The following BTBD9 variants were observed in gnomAD, a reference collection of about 807,000 sequenced individuals.
BTBD9 encodes BTB/POZ domain-containing protein 9.
Under a neutral mutation model 64.3 loss-of-function variants are expected in BTBD9, and 49 were observed. That is an observed-to-expected ratio of 0.76 (90% CI 0.61 to 0.97). The LOEUF is 0.97. Among genes scored for constraint, BTBD9 ranks in the 50% least tolerant of loss-of-function variants. The probability of loss-of-function intolerance (pLI) is 0.00; values close to 1 mark genes in which losing one functional copy is unlikely to be tolerated. For synonymous variants in BTBD9, 260 were observed against 274.7 expected, an observed-to-expected ratio of 0.95 and a Z score of 0.53; for missense variants, 598 against 762.1, an observed-to-expected ratio of 0.78 and a Z score of 2.53.
intron 1 of BTBD9, chr6:38,613,031 G>A (rs1291660665): frequency 2.0e-5 from 3 of 152,152 alleles, no homozygotes; most frequent in African/African-American, 4.8e-5. Flanking sequence ...AAATTGAGAC[G>A]AGCTGTAAGT....
rs1015950974 is a variant in BTBD9 at position 38,639,011 on chromosome 6, A to G, written c.-28+789T>C. Among the ~76,000 whole-genome samples, 68 of 152,316 alleles carry G rather than the reference A, an allele frequency of 4.5e-4. 1 individual carries two copies. Among genetic ancestry groups the G allele is most frequent in the Non-Finnish European group, 8.4e-4 (57 of 68,026 alleles). On this transcript the variant is annotated intron_variant, in intron 1 of 10. Coordinates refer to ENST00000481247, the MANE Select transcript of BTBD9 (RefSeq NM_001099272.2). ...CAGAATCCGTATTTTCTGCCCAGAAAATAGCAGCCTGTACTGCCTTTAGGA... is the reference window on the plus strand; with the variant it reads ...CAGAATCCGTATTTTCTGCCCAGAAGATAGCAGCCTGTACTGCCTTTAGGA...
At chr6:38,350,320 A>C (rs1764452297) in intron 6 of BTBD9, among the ~76,000 whole-genome samples, 1 of 152,158 alleles carries the variant, frequency 6.6e-6, no homozygotes, top group Admixed American at 6.5e-5. Context: ...TTAATTTCTA[A>C]GGCACATACA....
At chr6:38,295,487 A>G (rs987140938) in intron 7 of BTBD9, among the ~76,000 whole-genome samples, 1 of 152,042 alleles carries the variant, frequency 6.6e-6, no homozygotes, top group Non-Finnish European at 1.5e-5. Flanking sequence ...TCTTGTTTAT[A>G]AGTTCTTTCC....
chr6:38,453,870 T>C (rs1769669648), intron 6 of BTBD9, among the ~76,000 whole-genome samples: 1 of 152,180 alleles, frequency 6.6e-6, no homozygotes, highest in Non-Finnish European at 1.5e-5. Context: ...AAGTTTCAAA[T>C]AGTGGGCGAA....
rs1776943259 is a variant in BTBD9 at position 38,594,252 on chromosome 6, T to C, written c.261A>G (p.Ala87=). Residue 87 remains alanine, a synonymous_variant, in exon 3 of 11, where the codon GCA becomes GCG. Coordinates refer to ENST00000481247, the MANE Select transcript of BTBD9 (RefSeq NM_001099272.2). ...EIPLQDTTAE[A]FTMLLKYIYT... Reference sequence around the variant, plus strand: ...AGATATATTTGAGTAGCATTGTGAATGCTTCTGCAGTGGTGTCTTGGAGAG... The same window carrying C: ...AGATATATTTGAGTAGCATTGTGAACGCTTCTGCAGTGGTGTCTTGGAGAG... 1 of 1,613,942 alleles carries C rather than the reference T, an allele frequency of 6.2e-7. No homozygotes were observed. Among genetic ancestry groups the C allele is most frequent in the South Asian group, 1.1e-5 (1 of 91,080 alleles).
chr6:38,297,841 C>CA (rs1196249066), intron 7 of BTBD9, among the ~76,000 whole-genome samples: 1 of 136,546 alleles, frequency 7.3e-6, no homozygotes, highest in Non-Finnish European at 1.6e-5. Context: ...CTCCAGTTTT[C>CA]TTTTTTTTTT....
At chr6:38,627,581 C>A (rs936232140) in intron 1 of BTBD9, among the ~76,000 whole-genome samples, 2 of 152,140 alleles carry the variant, frequency 1.3e-5, no homozygotes, top group Admixed American at 6.5e-5. Flanking sequence ...ACAAGAACAG[C>A]ACCGGTGTTG....
chr6:38,538,935 C>G (rs569065300), intron 6 of BTBD9, among the ~76,000 whole-genome samples: 1 of 152,188 alleles, frequency 6.6e-6, no homozygotes, highest in African/African-American at 2.4e-5. Flanking sequence ...AGGCACACAC[C>G]ACCACATCCA....
chr6:38,341,558 G>C (rs1006273859), intron 7 of BTBD9, among the ~76,000 whole-genome samples: 1 of 152,140 alleles, frequency 6.6e-6, no homozygotes, highest in African/African-American at 2.4e-5. Context: ...AGGAAGATTT[G>C]GAAATCCTTA....
At chr6:38,304,015 TATTC>T (rs1762526903) in intron 7 of BTBD9, among the ~76,000 whole-genome samples, 1 of 150,526 alleles carries the variant, frequency 6.6e-6, no homozygotes, top group Non-Finnish European at 1.5e-5. Context: ...TCGACATAAT[TATTC>T]ATTAATGTTT....
chr6:38,182,625 G>A (rs996284669), intron 10 of BTBD9, among the ~76,000 whole-genome samples: 3 of 152,162 alleles, frequency 2.0e-5, no homozygotes, highest in African/African-American at 7.2e-5. Context: ...TGTGTGACCA[G>A]GCTCCGCATG....
chr6:38,421,620 A>G (rs980187511), intron 6 of BTBD9, among the ~76,000 whole-genome samples: 1 of 152,220 alleles, frequency 6.6e-6, no homozygotes, highest in African/African-American at 2.4e-5. Context: ...TTAGTGGTTC[A>G]TAGTAATATA....
rs79516200 is a variant in BTBD9 at position 38,195,108 on chromosome 6, C to G, written c.1563-2511G>C. Among the ~76,000 whole-genome samples, 374 of 152,290 alleles carry G rather than the reference C, an allele frequency of 2.5e-3. 2 individuals are homozygous for G. The highest frequency in any genetic ancestry group is 8.8e-3 in the African/African-American group (366 of 41,572). ...CAAGGAAATGAGCATCTGTCTCCCC[C>G]CATCAGATTCCATTTCCCCTGAACT... On this transcript the variant is annotated intron_variant, in intron 9 of 10. Coordinates refer to ENST00000481247, the MANE Select transcript of BTBD9 (RefSeq NM_001099272.2).
intron 6 of BTBD9, among the ~76,000 whole-genome samples, chr6:38,378,952 G>A (rs1241447523): frequency 6.6e-6 from 1 of 151,986 alleles, no homozygotes; most frequent in Non-Finnish European, 1.5e-5. Context: ...GTAAGACTTA[G>A]AGCTGGTGTT....
In BTBD9 at chr6:38,303,314, G is replaced by A. The variant is rs116922760; in HGVS notation, c.1265-14853C>T. On this transcript the variant is annotated intron_variant, in intron 7 of 10. Coordinates refer to ENST00000481247, the MANE Select transcript of BTBD9 (RefSeq NM_001099272.2). ...TTTAATTCATTTTGAGTTTATTTTTGTATAGGTAACATTCTATTTCTTAGG... is the reference window on the plus strand; with the variant it reads ...TTTAATTCATTTTGAGTTTATTTTTATATAGGTAACATTCTATTTCTTAGG... 8.4e-4 allele frequency among the ~76,000 whole-genome samples: 127 copies of A among 152,052 alleles called. 2 individuals are homozygous for A. The East Asian group carries it at 0.01, about 12-fold the overall frequency.
chr6:38,592,857 G>C lies in BTBD9; in HGVS notation c.550-17C>G. 1 of 1,611,410 alleles carries C rather than the reference G, an allele frequency of 6.2e-7. No individual in the cohort carries two copies. The highest frequency in any genetic ancestry group is 1.1e-5 in the South Asian group (1 of 90,786). On this transcript the variant is annotated splice_polypyrimidine_tract_variant and intron_variant, in intron 3 of 10. Coordinates refer to ENST00000481247, the MANE Select transcript of BTBD9 (RefSeq NM_001099272.2). ...AAGTGCTGTCTGAAAAGGATAAAAA[G>C]GTAAAATTCCAGTTATATGAAGTTC...
intron 7 of BTBD9, among the ~76,000 whole-genome samples, chr6:38,293,863 C>T (rs941565031): frequency 6.6e-5 from 10 of 151,886 alleles, no homozygotes; most frequent in South Asian, 6.2e-4. Flanking sequence ...CAAAAGAAAC[C>T]ATCATCAGAG....
chr6:38,434,619 G>T (rs1768624761), intron 6 of BTBD9, among the ~76,000 whole-genome samples: 1 of 151,882 alleles, frequency 6.6e-6, no homozygotes, highest in Non-Finnish European at 1.5e-5. Flanking sequence ...ACGGGCCAAG[G>T]TCACTCATAT....
At chr6:38,473,390 A>G (rs1169807227) in intron 6 of BTBD9, among the ~76,000 whole-genome samples, 1 of 152,222 alleles carries the variant, frequency 6.6e-6, no homozygotes, top group Non-Finnish European at 1.5e-5. Context: ...TTTCCAATGG[A>G]TTATCCAGTT....
Sources: allele counts gnomAD v4.1 joint callset (sites outside exome capture counted in the v4.1 genomes callset), GRCh38; gene constraint gnomAD v4.1.1; transcripts MANE v1.5; gene names NCBI Gene and HGNC (gene_info 2026-07-23, HGNC 2026-07-21).